Variants in CC2D1B observed in about 807,000 individuals in gnomAD.
CC2D1B encodes coiled-coil and C2 domain-containing protein 1B.
Under a neutral mutation model 110.8 loss-of-function variants are expected in CC2D1B, and 92 were observed. That is an observed-to-expected ratio of 0.83 (90% CI 0.70 to 0.99). The LOEUF is 0.99. CC2D1B is among the 50% of genes least tolerant of loss of function. The pLI is 0.00. For synonymous variants in CC2D1B, 406 were observed against 429.2 expected, an observed-to-expected ratio of 0.95 and a Z score of 0.67; for missense variants, 1,136 against 1,089.0, an observed-to-expected ratio of 1.04 and a Z score of -0.61.
In CC2D1B at chr1:52,362,495, G is replaced by C. The variant is rs187452247; in HGVS notation, c.214+107C>G. The C allele has an allele frequency of 3.5e-5, 47 of 1,350,090 alleles. 1 individual carries two copies. In the East Asian group the frequency reaches 1.1e-3, roughly 31 times the overall value. The allele number at this position is 1,350,090 out of a possible 1,614,324, so 83.6% of individuals were successfully genotyped here. A position where few individuals can be genotyped will look rare whatever the true frequency, so the allele number is the denominator to read the frequency against. Reference sequence around the variant, plus strand: ...GGAGTGCGGCAGATGGGTATTGGAAGGACCAGGGGATCTGGCTGGCTCCGT... The same window carrying C: ...GGAGTGCGGCAGATGGGTATTGGAACGACCAGGGGATCTGGCTGGCTCCGT... On this transcript the variant is annotated intron_variant, in intron 3 of 24. Coordinates refer to ENST00000284376, the MANE Select transcript of CC2D1B (RefSeq NM_001330585.2).
rs532128379 is a variant in CC2D1B, at chr1:52,354,440, T to C, written c.2430+168A>G. 23 of 731,238 alleles carry C rather than the reference T, an allele frequency of 3.1e-5. No homozygotes were observed. The South Asian group carries it at 3.2e-4, about 10-fold the overall frequency. The allele number at this position is 731,238 out of a possible 1,614,324, so 45.3% of individuals were successfully genotyped here. A position where few individuals can be genotyped will look rare whatever the true frequency, so the allele number is the denominator to read the frequency against. On this transcript the variant is annotated intron_variant, in intron 23 of 24. Transcript: ENST00000284376. ...TCCCTCTGTGAGATTTCTCAGACCT[T>C]CTGAACCTCTCCATCTGTGAAATGA...
At position 52,359,766 on chromosome 1, in the gene CC2D1B, G is replaced by A. The variant is rs755225868; in HGVS notation, c.881C>T (p.Ala294Val). The change falls in exon 8 of 25, where the codon GCC becomes GTC. Residue 294 changes from alanine (A) to valine (V), a missense_variant. Coordinates refer to ENST00000284376, the MANE Select transcript of CC2D1B (RefSeq NM_001330585.2). The part of the protein sequence containing the change: ...SSRQREYKVA[A>V]LSAKRAGELD... The stretch of plus-strand genomic sequence containing the variant: ...CTCTCCAGCCCGCTTGGCACTGAGG[G>A]CAGCCACTTTGTACTCTCTCTGTCG... 1.2e-6 allele frequency: 2 copies of A among 1,610,594 alleles called. No individual in the cohort carries two copies. The highest frequency in any genetic ancestry group is 4.5e-5 in the East Asian group (2 of 44,746).
At chr1:52,358,013 T>C in intron 13 of CC2D1B, 115 bp from the exon 14 acceptor site, 19 of 1,438,682 alleles carry the variant, frequency 1.3e-5, no homozygotes, top group Non-Finnish European at 1.8e-5. Context: ...TGACCTGAGA[T>C]GGGTGGCTTC....
chr1:52,353,380 A>G, intron 24 of CC2D1B, 138 bp downstream of exon 24: 1 of 1,514,976 alleles, frequency 6.6e-7, no homozygotes, highest in African/African-American at 1.4e-5. Context: ...TCAGAAACTC[A>G]GCCCATAAGC....
rs1033386741 is a variant in CC2D1B at position 52,358,681 on chromosome 1, C to T, written c.1330+5G>A. 1 of 1,613,160 alleles carries T rather than the reference C, an allele frequency of 6.2e-7. No homozygotes were observed. The highest frequency in any genetic ancestry group is 8.5e-7 in the Non-Finnish European group (1 of 1,179,682). ...CACAGAGCCCCTAGGCCATGCCCCA[C>T]TTACCTGGAGGAACAGGCAATTCAG... On this transcript the variant is annotated splice_donor_5th_base_variant and intron_variant, in intron 12 of 24. Transcript: ENST00000284376.
intron 13 of CC2D1B, 41 bp from the exon 14 acceptor site, chr1:52,357,939 C>T: frequency 1.3e-6 from 2 of 1,521,984 alleles, no homozygotes; most frequent in Admixed American, 2.2e-5. Context: ...GATGTGTTCC[C>T]TAGCATAGTC....
rs564042816 is a variant in CC2D1B, at chr1:52,359,196, C to T, written c.1127-39G>A. On this transcript the variant is annotated intron_variant, in intron 10 of 24. Transcript: ENST00000284376. ...AGGAAGAAGTGGGCATCAGGTCAGC[C>T]TGCCCTCCAATGCCTGCAGGTCCCC... The T allele has an allele frequency of 3.7e-6, 6 of 1,610,222 alleles. No individual in the cohort carries two copies. The Admixed American group carries it at 6.7e-5, about 18-fold the overall frequency.
In CC2D1B at chr1:52,351,214, T is replaced by G. The variant is rs1646526114; in HGVS notation, c.*2011A>C. The G allele has an allele frequency of 6.6e-6, 1 of 152,204 alleles. No individual in the cohort carries two copies. The allele number at this position is 152,204 out of a possible 1,614,324, so 9.4% of individuals were successfully genotyped here. Reference sequence around the variant, plus strand: ...TGCCTCGTCAGCCTGGAGGTTCTGTTTTGAAAGAGCAAAGCAGCAGACTGA... The same window carrying G: ...TGCCTCGTCAGCCTGGAGGTTCTGTGTTGAAAGAGCAAAGCAGCAGACTGA... On this transcript the variant is annotated 3_prime_UTR_variant, in exon 25 of 25. Transcript: ENST00000284376.
intron 13 of CC2D1B, 101 bp from the exon 14 acceptor site, chr1:52,357,999 T>G: frequency 6.9e-7 from 1 of 1,455,278 alleles, no homozygotes; most frequent in East Asian, 2.3e-5. Context: ...ACTACATCGC[T>G]GTGTGACCTG....
chr1:52,364,192 C>T (rs571449123), intron 2 of CC2D1B, among the ~76,000 whole-genome samples: 26 of 152,346 alleles, frequency 1.7e-4, no homozygotes, highest in African/African-American at 5.8e-4. Context: ...GGAGACCCCC[C>T]TGTTCTTCCA....
At position 52,352,186 on chromosome 1, in the gene CC2D1B, G is replaced by A. The variant is rs931880327; in HGVS notation, c.*1039C>T. ...TCAAAAAGGGGGTGGGGGAAGATGGGGTATTTCTAAGAAATGCAGAATATT... is the reference window on the plus strand; with the variant it reads ...TCAAAAAGGGGGTGGGGGAAGATGGAGTATTTCTAAGAAATGCAGAATATT... On this transcript the variant is annotated 3_prime_UTR_variant, in exon 25 of 25. Transcript: ENST00000284376. 2 of 151,930 alleles carry A rather than the reference G, an allele frequency of 1.3e-5. No homozygotes were observed. The highest frequency in any genetic ancestry group is 2.9e-5 in the Non-Finnish European group (2 of 67,984). The allele number at this position is 151,930 out of a possible 1,614,324, so 9.4% of individuals were successfully genotyped here. A position where few individuals can be genotyped will look rare whatever the true frequency, so the allele number is the denominator to read the frequency against.
chr1:52,354,816 C>G, intron 22 of CC2D1B, 24 bp downstream of exon 22: 4 of 1,610,100 alleles, frequency 2.5e-6, no homozygotes, highest in Non-Finnish European at 3.4e-6. Context: ...GCCCGTGTGG[C>G]AGCATGACCG....
chr1:52,353,578 C>A lies in CC2D1B; in HGVS notation c.2500G>T (p.Gly834Cys), dbSNP rs775703581. The A allele has an allele frequency of 1.9e-6, 3 of 1,614,022 alleles. No homozygotes were observed. In the South Asian group the frequency reaches 3.3e-5, roughly 18 times the overall value. Reference sequence around the variant, plus strand: ...TCAGTGACCATCTGCACATCCTGGCCACTCAGAGGCTCCCGCAGCCTCACC... The same window carrying A: ...TCAGTGACCATCTGCACATCCTGGCAACTCAGAGGCTCCCGCAGCCTCACC... Reference protein sequence around the residue: ...VKVRLREPLSGQDVQMVTENW... With the variant: ...VKVRLREPLSCQDVQMVTENW... The change falls in exon 24 of 25, where the codon GGC becomes TGC. Residue 834 changes from glycine (G) to cysteine (C), a missense_variant. Transcript: ENST00000284376.
intron 5 of CC2D1B, 52 bp downstream of exon 5, chr1:52,360,922 G>A (rs927922971): frequency 1.1e-5 from 17 of 1,604,146 alleles, no homozygotes; most frequent in African/African-American, 2.7e-5. Context: ...CACGTGTTAC[G>A]TCTGGGCGCA....
chr1:52,353,846 A>AAAG, intron 23 of CC2D1B, 199 bp from the exon 24 acceptor site: 1 of 519,422 alleles, frequency 1.9e-6, no homozygotes, highest in Non-Finnish European at 3.4e-6. Context: ...TCTTATTAAA[A>AAAG]AAGTAATAAA....
At position 52,358,256 on chromosome 1, in the gene CC2D1B, T is replaced by C. The variant is rs553318429; in HGVS notation, c.1461+75A>G. 9.7e-6 allele frequency: 15 copies of C among 1,548,144 alleles called. No individual in the cohort carries two copies. The South Asian group carries it at 1.6e-4, about 17-fold the overall frequency. ...ATGTACCTTATTGGGCTTGTTAGTA[T>C]GGACAACAGGGTCTGGGTTTACCCC... On this transcript the variant is annotated intron_variant, in intron 13 of 24. Transcript: ENST00000284376.
intron 2 of CC2D1B, 145 bp from the exon 3 acceptor site, chr1:52,362,891 A>C (rs1646812761): frequency 1.3e-6 from 1 of 766,038 alleles, no homozygotes; most frequent in South Asian, 1.8e-5. Context: ...TGAGGCCTGC[A>C]ACATTACTCC....
Position 52,353,509 on chromosome 1 carries a change from GCTGCCCACCTCA to G in CC2D1B, c.2557_*1+8del. On this transcript the variant is annotated splice_donor_variant and splice_donor_5th_base_variant and coding_sequence_variant and 3_prime_UTR_variant and intron_variant, in exon 24 of 25. Transcript: ENST00000284376. LOFTEE classifies it high-confidence loss of function. The stretch of plus-strand genomic sequence containing the variant: ...GGCAAAGGTTCTGAAGGCCCAGAGA[GCTGCCCACCTCA>G]CAAGCCCCTGGGCTCCAGAACCAGC... The G allele has an allele frequency of 6.2e-7, 1 of 1,607,894 alleles. No homozygotes were observed. Among genetic ancestry groups the G allele is most frequent in the South Asian group, 1.1e-5 (1 of 90,518 alleles).
chr1:52,364,066 T>C (rs1646837564), intron 2 of CC2D1B, among the ~76,000 whole-genome samples: 1 of 152,352 alleles, frequency 6.6e-6, no homozygotes, highest in South Asian at 2.1e-4. Flanking sequence ...CTTTGCGACT[T>C]GAGTCTATGC....
Sources: gnomAD v4.1 joint callset for allele counts (sites outside exome capture counted in the v4.1 genomes callset) on GRCh38, gnomAD v4.1.1 for gene constraint, MANE v1.5 for transcripts, NCBI Gene and HGNC (gene_info 2026-07-23, HGNC 2026-07-21) for gene names.